The following IFT70A variants were observed in gnomAD, a reference collection of about 807,000 sequenced individuals.
IFT70A encodes the protein intraflagellar transport 70A, also known as intraflagellar transport protein 70A.
chr2:177,617,469 CT>C, the IFT70A span: 1 of 1,613,916 alleles, frequency 6.2e-7, no homozygotes. Flanking sequence ...CATTCACTGC[CT>C]TTTTGATAGC....
the IFT70A span, chr2:177,616,524 A>T: frequency 2.1e-6 from 1 of 486,924 alleles, no homozygotes; most frequent in Non-Finnish European, 3.4e-6. Flanking sequence ...GATGCAGCTT[A>T]CACTGCATAG....
At chr2:177,615,829 C>A in the IFT70A span, 1 of 152,168 alleles carries the variant, frequency 6.6e-6, no homozygotes, top group South Asian at 2.1e-4. Flanking sequence ...AGGTATGGAA[C>A]TCATACTTTT....
the IFT70A span, chr2:177,618,588 C>G: frequency 6.2e-7 from 1 of 1,603,130 alleles, no homozygotes; most frequent in Non-Finnish European, 8.5e-7. Context: ...GGCTCCGCTG[C>G]AGTTCTCGGC....
chr2:177,618,349 A>G, the IFT70A span: 1 of 1,613,572 alleles, frequency 6.2e-7, no homozygotes, highest in Non-Finnish European at 8.5e-7. Context: ...GGCAGCTTGC[A>G]GGCGGAGGAC....
At chr2:177,618,334 T>C in the IFT70A span, 1 of 1,613,840 alleles carries the variant, frequency 6.2e-7, no homozygotes, top group South Asian at 1.1e-5. Context: ...CTCGCTATAC[T>C]TGATGGCAGC....
chr2:177,616,695 C>A, the IFT70A span: 1 of 1,455,606 alleles, frequency 6.9e-7, no homozygotes, highest in South Asian at 1.7e-5. Context: ...AAGCCACTAT[C>A]AGTCATAACT....
At chr2:177,616,001 T>C in the IFT70A span, 1 of 151,916 alleles carries the variant, frequency 6.6e-6, no homozygotes, top group Non-Finnish European at 1.5e-5. Flanking sequence ...AAATCAAAAA[T>C]AGAACATGAA....
chr2:177,613,709 TG>T, the IFT70A span: 1 of 152,164 alleles, frequency 6.6e-6, no homozygotes, highest in African/African-American at 2.4e-5. Context: ...ATGAAATAAT[TG>T]AAAATAAAAT....
chr2:177,617,882 G>C, the IFT70A span: 17 of 1,614,232 alleles, frequency 1.1e-5, no homozygotes, highest in Non-Finnish European at 1.4e-5. Flanking sequence ...ATGTCGGTGA[G>C]GGTTTCTTGA....
the IFT70A span, chr2:177,618,653 G>C: frequency 5.0e-6 from 8 of 1,606,562 alleles, no homozygotes; most frequent in African/African-American, 4.0e-5. Flanking sequence ...CGGTACACTA[G>C]CGCGGTAAAC....
chr2:177,616,926 G>A, the IFT70A span: 1 of 1,602,398 alleles, frequency 6.2e-7, no homozygotes, highest in East Asian at 2.2e-5. Context: ...TTTCTAACAA[G>A]GACAGGAAGC....
At chr2:177,616,316 AG>A in the IFT70A span, 2,830 of 159,288 alleles carry the variant, frequency 0.018, 35 homozygotes, top group Non-Finnish European at 0.025. Flanking sequence ...GTGGGCTAGC[AG>A]TCATTTACAT....
chr2:177,618,213 C>T, the IFT70A span: 7 of 1,614,256 alleles, frequency 4.3e-6, no homozygotes, highest in East Asian at 1.6e-4. Context: ...CCTTGTAGAG[C>T]AAACAACCCA....
chr2:177,618,255 T>G, the IFT70A span: 6 of 1,614,200 alleles, frequency 3.7e-6, no homozygotes, highest in Non-Finnish European at 5.1e-6. Flanking sequence ...CATTGTCGCC[T>G]CCACTTTCTT....
At chr2:177,618,267 T>C in the IFT70A span, 3 of 1,613,938 alleles carry the variant, frequency 1.9e-6, no homozygotes, top group Non-Finnish European at 2.5e-6. Context: ...CACTTTCTTC[T>C]CCCCCTTCCC....
At chr2:177,618,718 A>C in the IFT70A span, 2 of 1,529,532 alleles carry the variant, frequency 1.3e-6, no homozygotes, top group South Asian at 1.3e-5. Flanking sequence ...CACGGCTGTT[A>C]TGCGTGCGGT....
chr2:177,618,564 G>A, the IFT70A span: 11 of 1,598,658 alleles, frequency 6.9e-6, no homozygotes, highest in East Asian at 2.3e-5. Context: ...GCGACAGGCC[G>A]GCACGGCTCC....
At chr2:177,614,061 G>C in the IFT70A span, 1 of 152,104 alleles carries the variant, frequency 6.6e-6, no homozygotes, top group Non-Finnish European at 1.5e-5. Context: ...TTGTAGAACG[G>C]ATTTCAGTAT....
At chr2:177,613,990 T>C in the IFT70A span, 1 of 152,204 alleles carries the variant, frequency 6.6e-6, no homozygotes, top group East Asian at 1.9e-4. Context: ...TATAAGTCTC[T>C]ATATTCTAAT....
Sources: allele counts gnomAD v4.1 joint callset, GRCh38; gene constraint gnomAD v4.1.1; transcripts MANE v1.5; gene names NCBI Gene and HGNC (gene_info 2026-07-23, HGNC 2026-07-21).